The following TENM3 variants were observed in gnomAD, a reference collection of about 807,000 sequenced individuals.
The protein encoded by TENM3 is teneurin-3.
A neutral mutation model predicts 255.1 loss-of-function variants in TENM3; 63 were observed. The observed-to-expected ratio is 0.25, with a 90% CI of 0.20 to 0.30. The LOEUF (loss-of-function observed/expected upper bound fraction) is 0.30, where lower values mean the gene tolerates loss of function less well. Among genes scored for constraint, TENM3 ranks in the 10% least tolerant of loss-of-function variants. The pLI is 1.00. For synonymous variants in TENM3, 1,306 were observed against 1,322.3 expected, an observed-to-expected ratio of 0.99 and a Z score of 0.27; for missense variants, 2,929 against 3,461.1, an observed-to-expected ratio of 0.85 and a Z score of 3.86.
At chr4:182,237,323 T>C (rs189924524) in intron 1 of TENM3, among the ~76,000 whole-genome samples, 1 of 152,284 alleles carries the variant, frequency 6.6e-6, no homozygotes, top group African/African-American at 2.4e-5. Context: ...CATATGCATG[T>C]ATCTTTATAA....
chr4:182,638,426 G>A (rs192602233), intron 5 of TENM3, among the ~76,000 whole-genome samples: 1 of 152,186 alleles, frequency 6.6e-6, no homozygotes, highest in Admixed American at 6.5e-5. Context: ...AACTAAGGAG[G>A]TCAGCACGTC....
chr4:181,663,431 A>G, the TENM3 span, among the ~76,000 whole-genome samples: 2 of 152,154 alleles, frequency 1.3e-5, no homozygotes, highest in African/African-American at 4.8e-5. Context: ...AAAATTCATC[A>G]ATCTTATAGC....
chr4:181,566,100 G>GA, the TENM3 span, among the ~76,000 whole-genome samples: 145,674 of 151,382 alleles, frequency 0.96, 70,175 homozygotes, highest in East Asian at 1. Flanking sequence ...GTTTGGCGAA[G>GA]AAAAAAAAAT....
chr4:182,580,328 G>C (rs887788398), intron 3 of TENM3, among the ~76,000 whole-genome samples: 2 of 149,652 alleles, frequency 1.3e-5, no homozygotes, highest in East Asian at 3.9e-4. Context: ...GCACTTAGAG[G>C]GGGGCACTCT....
intron 3 of TENM3, among the ~76,000 whole-genome samples, chr4:182,514,553 A>G (rs1737743119): frequency 6.6e-6 from 1 of 152,192 alleles, no homozygotes; most frequent in African/African-American, 2.4e-5. Context: ...TCCATTTTAC[A>G]TCCGGCCCTA....
At chr4:181,789,536 C>T in the TENM3 span, among the ~76,000 whole-genome samples, 13 of 151,904 alleles carry the variant, frequency 8.6e-5, no homozygotes, top group Non-Finnish European at 5.9e-5. Flanking sequence ...TGATTACAGG[C>T]GTGAGCCACT....
At chr4:181,540,013 C>G in the TENM3 span, among the ~76,000 whole-genome samples, 2 of 152,118 alleles carry the variant, frequency 1.3e-5, no homozygotes, top group Non-Finnish European at 2.9e-5. Flanking sequence ...GGAGAAATGA[C>G]TGCTTCTAGG....
chr4:181,499,267 C>A, the TENM3 span, among the ~76,000 whole-genome samples: 5 of 152,256 alleles, frequency 3.3e-5, 1 homozygote, highest in East Asian at 9.6e-4. Context: ...TCATGAGTTT[C>A]CTCAGACTTC....
chr4:181,589,999 T>G, the TENM3 span, among the ~76,000 whole-genome samples: 56 of 152,302 alleles, frequency 3.7e-4, no homozygotes, highest in Admixed American at 2.8e-3. Context: ...ATAGTCAGTT[T>G]GCAAGAGTCA....
the TENM3 span, among the ~76,000 whole-genome samples, chr4:181,804,818 T>C: frequency 8.9e-3 from 1,354 of 152,252 alleles, 20 homozygotes; most frequent in African/African-American, 0.031. Flanking sequence ...GATTCCATCC[T>C]GGACAACATT....
At chr4:182,590,919 G>A (rs1259040727) in intron 3 of TENM3, among the ~76,000 whole-genome samples, 1 of 151,870 alleles carries the variant, frequency 6.6e-6, no homozygotes, top group Non-Finnish European at 1.5e-5. Context: ...CCTCAGGAAA[G>A]CTATGCCAGC....
the TENM3 span, among the ~76,000 whole-genome samples, chr4:181,893,220 C>T: frequency 9.9e-5 from 15 of 152,162 alleles, no homozygotes; most frequent in East Asian, 2.5e-3. Context: ...ATGACAAAAA[C>T]GGTGTTCCAT....
chr4:182,616,656 C>T (rs1490544870), intron 4 of TENM3, among the ~76,000 whole-genome samples: 7 of 151,448 alleles, frequency 4.6e-5, no homozygotes, highest in South Asian at 2.1e-4. Context: ...GGGCTTCTCC[C>T]GGAAGATTCC....
intron 1 of TENM3, among the ~76,000 whole-genome samples, chr4:182,196,417 A>G (rs1034374240): frequency 6.6e-6 from 1 of 152,186 alleles, no homozygotes; most frequent in Non-Finnish European, 1.5e-5. Flanking sequence ...GTAATTCACC[A>G]TAGCCACGCC....
At chr4:182,744,258 C>A in intron 19 of TENM3, 2 of 767,628 alleles carry the variant, frequency 2.6e-6, no homozygotes, top group Non-Finnish European at 3.2e-6. Context: ...AATATTTCAT[C>A]ATGAGAGAGG....
At chr4:181,556,541 A>G in the TENM3 span, among the ~76,000 whole-genome samples, 5 of 152,200 alleles carry the variant, frequency 3.3e-5, no homozygotes, top group African/African-American at 1.2e-4. Context: ...ACATCATTTA[A>G]AAAATTATAT....
At chr4:181,974,319 G>A in the TENM3 span, among the ~76,000 whole-genome samples, 1 of 152,158 alleles carries the variant, frequency 6.6e-6, no homozygotes, top group Admixed American at 6.5e-5. Flanking sequence ...TGTAATCCCA[G>A]CACTTTGGGA....
chr4:182,203,598 C>G (rs1176739908), intron 1 of TENM3, among the ~76,000 whole-genome samples: 1 of 152,206 alleles, frequency 6.6e-6, no homozygotes, highest in Non-Finnish European at 1.5e-5. Flanking sequence ...AGCGGTTGCT[C>G]TTCCTAACTC....
At position 182,799,776 on chromosome 4, in the gene TENM3, G is replaced by A. The variant is rs1348890512; in HGVS notation, c.7525G>A (p.Val2509Met). The stretch of plus-strand genomic sequence containing the variant: ...CATGCTGGCCGTCAGCCAGGGCCGC[G>A]TGCAGACCAACGTGCTCAACATCGC... ...GVMLAVSQGR[V>M]QTNVLNIANE... is the part of the protein sequence containing the mutation. Residue 2509 changes from valine (V) to methionine (M), a missense_variant, in exon 28 of 28, where the codon GTG becomes ATG. Transcript: ENST00000511685. The surrounding 1 kb of genome is among the most constrained non-coding windows in gnomAD (Gnocchi z 4.2). The A allele has an allele frequency of 2.5e-6, 4 of 1,591,666 alleles. No individual in the cohort carries two copies. The highest frequency in any genetic ancestry group is 2.6e-6 in the Non-Finnish European group (3 of 1,169,906).
Sources: gnomAD v4.1 joint callset for allele counts (sites outside exome capture counted in the v4.1 genomes callset) on GRCh38, gnomAD v4.1.1 for gene constraint, Gnocchi (gnomAD v3.1) non-coding constraint, MANE v1.5 for transcripts, NCBI Gene and HGNC (gene_info 2026-07-23, HGNC 2026-07-21) for gene names.